ASPHD2: variants seen among roughly 807,000 people sequenced by gnomAD.
ASPHD2 encodes aspartate beta-hydroxylase domain-containing protein 2.
Under a neutral mutation model 34.6 loss-of-function variants are expected in ASPHD2, and 12 were observed. The ratio of observed to expected loss-of-function variants is 0.35; its 90% CI spans 0.22 to 0.56. The LOEUF is 0.56. ASPHD2 is among the 20% of genes least tolerant of loss of function. The probability of loss-of-function intolerance (pLI) is 0.87; values close to 1 mark genes in which losing one functional copy is unlikely to be tolerated. For synonymous variants in ASPHD2, 224 were observed against 212.2 expected, an observed-to-expected ratio of 1.06 and a Z score of -0.48; for missense variants, 375 against 505.0, an observed-to-expected ratio of 0.74 and a Z score of 2.47.
intron 1 of ASPHD2, among the ~76,000 whole-genome samples, chr22:26,432,798 A>G (rs977065256): frequency 8.5e-5 from 13 of 152,234 alleles, no homozygotes; most frequent in African/African-American, 2.9e-4. Flanking sequence ...AAGAGTGCCT[A>G]CTTCCTCTTC....
Position 26,429,558 on chromosome 22 carries a change from G to C in ASPHD2, c.-225+72G>C, listed in dbSNP as rs2084743867. ...TGGGCCGACCCCAGGACAGGGGTTG[G>C]AGGCGGGAGCCCGGCAGCTGCAGGC... On this transcript the variant is annotated intron_variant, in intron 1 of 3. Transcript: ENST00000215906. This position sits in a 1 kb window ranked among gnomAD's most constrained non-coding sequence, Gnocchi z 4.5. 6.6e-6 allele frequency: 1 copy of C among 151,912 alleles called. No individual in the cohort carries two copies. Among genetic ancestry groups the C allele is most frequent in the South Asian group, 1.8e-4 (1 of 5,560 alleles). 9.4% of individuals were successfully genotyped at this position (151,912 alleles called of 1,614,324 possible). A position where few individuals can be genotyped will look rare whatever the true frequency, so the allele number is the denominator to read the frequency against.
Position 26,433,519 on chromosome 22 carries a change from TGTC to T in ASPHD2, c.-94_-92del. 5 of 930,040 alleles carry T rather than the reference TGTC, an allele frequency of 5.4e-6. No homozygotes were observed. Among genetic ancestry groups the T allele is most frequent in the Non-Finnish European group, 8.2e-6 (5 of 609,864 alleles). The allele number at this position is 930,040 out of a possible 1,614,324, so 57.6% of individuals were successfully genotyped here. A position where few individuals can be genotyped will look rare whatever the true frequency, so the allele number is the denominator to read the frequency against. On this transcript the variant is annotated 5_prime_UTR_variant, in exon 2 of 4. Transcript: ENST00000215906. The surrounding 1 kb of genome is among the most constrained non-coding windows in gnomAD (Gnocchi z 5.1). ...GTGGAGCAGTGGGCACGGCCAACCT[TGTC>T]GTTCATCAATGCCGCCCCTGGCAGT...
intron 2 of ASPHD2, among the ~76,000 whole-genome samples, chr22:26,434,792 T>A (rs1260790095): frequency 1.3e-5 from 2 of 152,208 alleles, no homozygotes; most frequent in South Asian, 2.1e-4. Context: ...ACTAGACACA[T>A]GTGACTAATT....
Position 26,433,865 on chromosome 22 carries a change from C to A in ASPHD2, c.250C>A (p.Arg84=). 3.1e-6 allele frequency: 5 copies of A among 1,613,862 alleles called. No individual in the cohort carries two copies. The highest frequency in any genetic ancestry group is 4.2e-6 in the Non-Finnish European group (5 of 1,180,034). ...YCYHVGREQP[R]PYVSVNSLMQ... ...TTATCACGTGGGCAGGGAGCAGCCCCGGCCCTACGTCTCCGTCAACTCCCT... is the reference window on the plus strand; with the variant it reads ...TTATCACGTGGGCAGGGAGCAGCCCAGGCCCTACGTCTCCGTCAACTCCCT... The change falls in exon 2 of 4, where the codon CGG becomes AGG. Residue 84 remains arginine, a synonymous_variant. Coordinates refer to ENST00000215906, the MANE Select transcript of ASPHD2 (RefSeq NM_020437.5). The surrounding 1 kb of genome is among the most constrained non-coding windows in gnomAD (Gnocchi z 5.1).
At position 26,434,284 on chromosome 22, in the gene ASPHD2, C is replaced by A. The variant is rs779187230; in HGVS notation, c.669C>A (p.Thr223=). Residue 223 remains threonine (T), a synonymous_variant, in exon 2 of 4, where the codon ACC becomes ACA. Coordinates refer to ENST00000215906, the MANE Select transcript of ASPHD2 (RefSeq NM_020437.5). ...CGCAAGGATGGAAAATGAACAGCAC[C>A]CCCAGCGGGGAGTGGTTCACCTTTT... The part of the protein sequence containing the change: ...SLPQGWKMNS[T]PSGEWFTFYL... 13 of 1,614,214 alleles carry A rather than the reference C, an allele frequency of 8.1e-6. No homozygotes were observed. In the Admixed American group the frequency reaches 2.0e-4, roughly 25 times the overall value.
Position 26,433,753 on chromosome 22 carries a change from C to T in ASPHD2, c.138C>T (p.Ile46=), listed in dbSNP as rs141256918. ...CGCTGGATGGCCTGAGGGACTGCATCGCCACCGGCATCCAGTCCGTGCGGG... is the reference window on the plus strand; with the variant it reads ...CGCTGGATGGCCTGAGGGACTGCATTGCCACCGGCATCCAGTCCGTGCGGG... ...SWSLDGLRDC[I]ATGIQSVRDC... is the part of the protein sequence containing the mutation. Residue 46 remains isoleucine, a synonymous_variant, in exon 2 of 4, where the codon ATC becomes ATT. Coordinates refer to ENST00000215906, the MANE Select transcript of ASPHD2 (RefSeq NM_020437.5). This position sits in a 1 kb window ranked among gnomAD's most constrained non-coding sequence, Gnocchi z 5.1. 1.9e-4 allele frequency: 299 copies of T among 1,613,688 alleles called. No homozygotes were observed. The highest frequency in any genetic ancestry group is 2.2e-4 in the Non-Finnish European group (263 of 1,180,032).
At chr22:26,440,805 C>A (rs893425569) in intron 2 of ASPHD2, among the ~76,000 whole-genome samples, 1 of 152,116 alleles carries the variant, frequency 6.6e-6, no homozygotes, top group Admixed American at 6.5e-5. Flanking sequence ...ACTGTGTGAG[C>A]CTTTGATTTT....
rs1468457310 is a variant in ASPHD2 at position 26,434,022 on chromosome 22, G to A, written c.407G>A (p.Arg136His). 3 of 1,613,404 alleles carry A rather than the reference G, an allele frequency of 1.9e-6. No individual in the cohort carries two copies. Among genetic ancestry groups the A allele is most frequent in the Non-Finnish European group, 1.7e-6 (2 of 1,179,960 alleles). ...LYHNLQEYAK[R>H]YSWSGMGRIH... Reference sequence around the variant, plus strand: ...CACAACCTGCAGGAGTACGCCAAGCGCTACTCCTGGTCCGGCATGGGCCGC... The same window carrying A: ...CACAACCTGCAGGAGTACGCCAAGCACTACTCCTGGTCCGGCATGGGCCGC... Residue 136 changes from arginine (R) to histidine (H), a missense_variant, in exon 2 of 4, where the codon CGC (arginine) becomes CAC (histidine). By Grantham distance (29) the Arg-to-His change is conservative (BLOSUM62 0). This residue lies in a region of ASPHD2 where 223 missense variants were observed against 257.8 expected (regional missense o/e 0.87). Coordinates refer to ENST00000215906, the MANE Select transcript of ASPHD2 (RefSeq NM_020437.5).
chr22:26,435,384 A>T (rs891146563), intron 2 of ASPHD2, among the ~76,000 whole-genome samples: 3 of 148,452 alleles, frequency 2.0e-5, no homozygotes, highest in South Asian at 4.9e-4. Context: ...TGGCGATAAA[A>T]AGCTCGTCTC....
chr22:26,438,749 C>A (rs1167084719), intron 2 of ASPHD2, among the ~76,000 whole-genome samples: 1 of 151,552 alleles, frequency 6.6e-6, no homozygotes, highest in Non-Finnish European at 1.5e-5. Flanking sequence ...CACAAGGTCC[C>A]ACAATAGGCT....
Position 26,432,774 on chromosome 22 carries a change from G to A in ASPHD2, c.-224-618G>A, listed in dbSNP as rs576182851. 9.2e-5 allele frequency among the ~76,000 whole-genome samples: 14 copies of A among 152,328 alleles called. No homozygotes were observed. The East Asian group carries it at 1.3e-3, about 15-fold the overall frequency. On this transcript the variant is annotated intron_variant, in intron 1 of 3. Transcript: ENST00000215906. Reference sequence around the variant, plus strand: ...GGGTAGACAGAAAATGCCCTTTGCCGCAGGCATGACCTCAAGAGTGCCTAC... The same window carrying A: ...GGGTAGACAGAAAATGCCCTTTGCCACAGGCATGACCTCAAGAGTGCCTAC...
At chr22:26,432,767 C>G (rs1291050791) in intron 1 of ASPHD2, among the ~76,000 whole-genome samples, 1 of 152,218 alleles carries the variant, frequency 6.6e-6, no homozygotes. Context: ...AGAAAATGCC[C>G]TTTGCCGCAG....
intron 1 of ASPHD2, among the ~76,000 whole-genome samples, chr22:26,431,417 GAA>G (rs3071719): frequency 0.052 from 7,088 of 136,600 alleles, 479 homozygotes; most frequent in African/African-American, 0.16. Context: ...GTGTGGGAAA[GAA>G]AAAAAAAAAA....
rs117704397 is a variant in ASPHD2 at position 26,443,991 on chromosome 22, C to G, written c.*785C>G. On this transcript the variant is annotated 3_prime_UTR_variant, in exon 4 of 4. Transcript: ENST00000215906. ...CAGATCAGCCACGGAACGTGTGATC[C>G]GCTTACCTCACTGCCTACAGAAGCC... is the stretch of plus-strand genomic sequence containing the variant. 1 of 152,226 alleles carries G rather than the reference C, an allele frequency of 6.6e-6. No homozygotes were observed. Among genetic ancestry groups the G allele is most frequent in the African/African-American group, 2.4e-5 (1 of 41,440 alleles). 9.4% of individuals were successfully genotyped at this position (152,226 alleles called of 1,614,324 possible). A position where few individuals can be genotyped will look rare whatever the true frequency, so the allele number is the denominator to read the frequency against.
At position 26,433,577 on chromosome 22, in the gene ASPHD2, C is replaced by T. The variant is rs1185068250; in HGVS notation, c.-39C>T. On this transcript the variant is annotated 5_prime_UTR_variant, in exon 2 of 4. Transcript: ENST00000215906. This position sits in a 1 kb window ranked among gnomAD's most constrained non-coding sequence, Gnocchi z 5.1. ...GAGGATCGGTGGCAGCCATGCCTCC[C>T]CCTGCCCCAGCCGCTCCTTCCCCCC... 6 of 1,503,460 alleles carry T rather than the reference C, an allele frequency of 4.0e-6. No homozygotes were observed. The East Asian group carries it at 1.5e-4, about 36-fold the overall frequency. The allele number at this position is 1,503,460 out of a possible 1,614,324, so 93.1% of individuals were successfully genotyped here.
intron 2 of ASPHD2, 87 bp downstream of exon 2, chr22:26,434,588 C>G: frequency 7.0e-7 from 1 of 1,418,672 alleles, no homozygotes; most frequent in Non-Finnish European, 9.5e-7. Context: ...CTCAAATGGT[C>G]AGAATTGCGC....
intron 2 of ASPHD2, among the ~76,000 whole-genome samples, chr22:26,436,478 C>T (rs533250618): frequency 3.3e-5 from 5 of 152,242 alleles, no homozygotes; most frequent in South Asian, 2.1e-4. Flanking sequence ...AATCAGGTGC[C>T]GCCAGGGTGG....
intron 2 of ASPHD2, 54 bp from the exon 3 acceptor site, chr22:26,442,405 G>A: frequency 7.4e-7 from 1 of 1,359,422 alleles, no homozygotes; most frequent in South Asian, 1.3e-5. Flanking sequence ...CTATCTCCTG[G>A]CCTTCCCTGA....
chr22:26,443,506 T>C lies in ASPHD2; in HGVS notation c.*300T>C, dbSNP rs56914162. 3,487 of 254,026 alleles carry C rather than the reference T, an allele frequency of 0.014. 57 individuals are homozygous for C. Among genetic ancestry groups the C allele is most frequent in the East Asian group, 0.072 (781 of 10,814 alleles). The allele number at this position is 254,026 out of a possible 1,614,324, so 15.7% of individuals were successfully genotyped here. On this transcript the variant is annotated 3_prime_UTR_variant, in exon 4 of 4. Coordinates refer to ENST00000215906, the MANE Select transcript of ASPHD2 (RefSeq NM_020437.5). ...GGTCCTTGAGTGACCAGAGACTTAGTGCCCTTGTAAGTCTGTCTTCTGTTG... is the reference window on the plus strand; with the variant it reads ...GGTCCTTGAGTGACCAGAGACTTAGCGCCCTTGTAAGTCTGTCTTCTGTTG...
Sources: allele counts gnomAD v4.1 joint callset (sites outside exome capture counted in the v4.1 genomes callset), GRCh38; gene constraint gnomAD v4.1.1; regional missense constraint gnomAD v4.1.1; non-coding constraint Gnocchi (gnomAD v3.1); transcripts MANE v1.5; gene names NCBI Gene and HGNC (gene_info 2026-07-23, HGNC 2026-07-21).